The following CRB1 variants were observed in gnomAD, a reference collection of about 807,000 sequenced individuals.
CRB1 encodes protein crumbs homolog 1.
A neutral mutation model predicts 120.0 loss-of-function variants in CRB1; 83 were observed. The ratio of observed to expected loss-of-function variants is 0.69; its 90% CI spans 0.58 to 0.83. The LOEUF is 0.83. CRB1 is among the 40% of genes least tolerant of loss of function. CRB1 has a pLI of 0.00. For missense variants in CRB1, 1,699 were observed against 1,687.6 expected, an observed-to-expected ratio of 1.01 and a Z score of -0.12; for synonymous variants, 625 against 612.5, an observed-to-expected ratio of 1.02 and a Z score of -0.30.
chr1:197,230,926 A>G, the CRB1 span, among the ~76,000 whole-genome samples: 1 of 152,176 alleles, frequency 6.6e-6, no homozygotes, highest in South Asian at 2.1e-4. Context: ...AAAATTAGAG[A>G]TATTAAAGAT....
At chr1:197,305,925 A>G (rs938396391) in intron 1 of CRB1, among the ~76,000 whole-genome samples, 3 of 151,880 alleles carry the variant, frequency 2.0e-5, no homozygotes, top group Admixed American at 6.6e-5. Context: ...AACAAAAAGC[A>G]AGAACTGAGC....
intron 1 of CRB1, among the ~76,000 whole-genome samples, chr1:197,278,947 T>C (rs1223556024): frequency 6.6e-6 from 1 of 151,932 alleles, no homozygotes; most frequent in Admixed American, 6.6e-5. Context: ...TTTAAAATAA[T>C]GTCAGAAGTC....
In CRB1 at chr1:197,398,062, C is replaced by T. The variant is rs77783286; in HGVS notation, c.1172-22938C>T. ...TACTGTAATCCAGTTTCTATCTCCA[C>T]CACTGCACAAAAAACTCATTTTGTT... On this transcript the variant is annotated intron_variant, in intron 5 of 11. Transcript: ENST00000367400. 6.2e-3 allele frequency among the ~76,000 whole-genome samples: 948 copies of T among 152,300 alleles called. 8 individuals are homozygous for T. Among genetic ancestry groups the T allele is most frequent in the Admixed American group, 0.012 (187 of 15,290 alleles).
At chr1:197,257,736 G>C in the CRB1 span, among the ~76,000 whole-genome samples, 1 of 152,012 alleles carries the variant, frequency 6.6e-6, no homozygotes, top group Non-Finnish European at 1.5e-5. Flanking sequence ...TTCCATGTCT[G>C]TTCATAACTG....
upstream of CRB1, among the ~76,000 whole-genome samples, chr1:197,267,657 T>G (rs1427401121): frequency 1.3e-5 from 2 of 152,226 alleles, no homozygotes; most frequent in African/African-American, 4.8e-5. Context: ...CAATTTAATC[T>G]GAGAAAATAT....
upstream of CRB1, among the ~76,000 whole-genome samples, chr1:197,263,962 A>T (rs926581529): frequency 1.3e-5 from 2 of 152,098 alleles, no homozygotes; most frequent in East Asian, 3.9e-4. Context: ...AAATAAATAC[A>T]TTCTTTTATC....
At chr1:197,448,961 AT>A (rs1406681929) in intron 11 of CRB1, among the ~76,000 whole-genome samples, 2 of 152,216 alleles carry the variant, frequency 1.3e-5, no homozygotes, top group Non-Finnish European at 2.9e-5. Flanking sequence ...TTATTTTAAT[AT>A]TTTTATTTTA....
intron 1 of CRB1, among the ~76,000 whole-genome samples, chr1:197,285,308 T>C (rs1486704071): frequency 6.6e-6 from 1 of 151,644 alleles, no homozygotes; most frequent in Admixed American, 6.6e-5. Flanking sequence ...AGAGTGAAAA[T>C]AGAGAGATGA....
the CRB1 span, among the ~76,000 whole-genome samples, chr1:197,202,486 A>G: frequency 1.3e-5 from 2 of 152,226 alleles, no homozygotes; most frequent in African/African-American, 4.8e-5. Context: ...AAACAAGTAT[A>G]TTTAAAGAAA....
chr1:197,328,280 G>A, intron 1 of CRB1, 142 bp from the exon 2 acceptor site: 1 of 656,518 alleles, frequency 1.5e-6, no homozygotes, highest in South Asian at 2.0e-5. Context: ...TAATGTAGAT[G>A]ACGTAGTTTT....
intron 8 of CRB1, among the ~76,000 whole-genome samples, chr1:197,431,542 G>A (rs1298043679): frequency 1.3e-5 from 2 of 152,036 alleles, no homozygotes; most frequent in South Asian, 2.1e-4. Flanking sequence ...GTTCTACCTG[G>A]TGTCCGAATT....
chr1:197,392,091 G>T (rs1662535577), intron 5 of CRB1, among the ~76,000 whole-genome samples: 1 of 152,064 alleles, frequency 6.6e-6, no homozygotes, highest in South Asian at 2.1e-4. Flanking sequence ...AGGGAAAAGG[G>T]GAACTCAAGC....
chr1:197,205,918 C>T, the CRB1 span, among the ~76,000 whole-genome samples: 5 of 150,986 alleles, frequency 3.3e-5, no homozygotes, highest in South Asian at 4.2e-4. Flanking sequence ...TTTAAATTAC[C>T]GTTTCAATTT....
In CRB1 at chr1:197,334,650, G is replaced by C. The variant is rs144449819; in HGVS notation, c.652+5647G>C. On this transcript the variant is annotated intron_variant, in intron 2 of 11. Transcript: ENST00000367400. ...TGAACTTTTAAACATCCGGAGCTAA[G>C]AGAAATAAATTTCTGTTCTTTATAA... Among the ~76,000 whole-genome samples, 333 of 152,246 alleles carry C rather than the reference G, an allele frequency of 2.2e-3. 1 individual carries two copies. Among genetic ancestry groups the C allele is most frequent in the African/African-American group, 7.7e-3 (318 of 41,536 alleles).
rs374990201 is a variant in CRB1 at position 197,420,834 on chromosome 1, T to C, written c.1172-166T>C. The stretch of plus-strand genomic sequence containing the variant: ...TTTTCTTCATGACACAGGTGGAATA[T>C]AGAATTGATTTTACTTTTCCTTATT... On this transcript the variant is annotated intron_variant, in intron 5 of 11. Transcript: ENST00000367400. Among the ~76,000 whole-genome samples the C allele has an allele frequency of 9.2e-5, 14 of 152,204 alleles. No individual in the cohort carries two copies. The East Asian group carries it at 1.3e-3, about 15-fold the overall frequency.
chr1:197,222,206 C>T, the CRB1 span: 1 of 466,622 alleles, frequency 2.1e-6, no homozygotes, highest in Non-Finnish European at 4.1e-6. Context: ...CTGCACTGCG[C>T]GGCCGCAGCG....
chr1:197,438,657 C>A lies in CRB1; in HGVS notation c.3860C>A (p.Pro1287Gln). 1 of 1,612,234 alleles carries A rather than the reference C, an allele frequency of 6.2e-7. No individual in the cohort carries two copies. The highest frequency in any genetic ancestry group is 8.5e-7 in the Non-Finnish European group (1 of 1,178,638). ...ACTGAATTAAAATGTATGTGCCGGC[C>A]AGGTTTTACTGGAGAATGGTGAGTC... Reference protein sequence around the residue: ...FQTELKCMCRPGFTGEWCEKD... With the variant: ...FQTELKCMCRQGFTGEWCEKD... The change falls in exon 10 of 12, where the codon CCA becomes CAA. Residue 1287 changes from proline (P) to glutamine (Q), a missense_variant. Coordinates refer to ENST00000367400, the MANE Select transcript of CRB1 (RefSeq NM_201253.3).
At chr1:197,311,916 T>C (rs1277071618) in intron 1 of CRB1, among the ~76,000 whole-genome samples, 1 of 152,196 alleles carries the variant, frequency 6.6e-6, no homozygotes, top group East Asian at 1.9e-4. Context: ...TTGCTCATCT[T>C]TTAAATTTTG....
At chr1:197,424,586 G>A (rs956460413) in intron 6 of CRB1, among the ~76,000 whole-genome samples, 3 of 152,030 alleles carry the variant, frequency 2.0e-5, no homozygotes, top group Admixed American at 6.6e-5. Context: ...GACACACAGG[G>A]CCATAACCTC....
Sources: allele counts gnomAD v4.1 joint callset (sites outside exome capture counted in the v4.1 genomes callset), GRCh38; gene constraint gnomAD v4.1.1; transcripts MANE v1.5; gene names NCBI Gene and HGNC (gene_info 2026-07-23, HGNC 2026-07-21).